The following NCOA7 variants were observed in gnomAD, a reference collection of about 807,000 sequenced individuals.
The protein encoded by NCOA7 is 140 kDa estrogen receptor-associated protein.
NCOA7 carries 45 observed loss-of-function variants against 104.3 expected under a neutral mutation model. That is an observed-to-expected ratio of 0.43 (90% confidence interval 0.34 to 0.55). The LOEUF (loss-of-function observed/expected upper bound fraction) is 0.55. Among genes scored for constraint, NCOA7 ranks in the 20% least tolerant of loss-of-function variants. NCOA7 has a pLI of 0.02. For synonymous variants in NCOA7, 398 were observed against 402.3 expected (o/e 0.99, Z 0.13); for missense variants, 1,041 against 1,119.7 (o/e 0.93, Z 1.00).
At chr6:125,811,058 G>A (rs1359578254) in intron 1 of NCOA7, among the ~76,000 whole-genome samples, 1 of 152,038 alleles carries the variant, frequency 6.6e-6, no homozygotes, top group African/African-American at 2.4e-5. Flanking sequence ...ATTCATGACT[G>A]GAAATTTAAT....
intron 10 of NCOA7, among the ~76,000 whole-genome samples, chr6:125,900,611 C>T (rs139928617): frequency 7.2e-5 from 11 of 152,306 alleles, no homozygotes; most frequent in Admixed American, 5.9e-4. Flanking sequence ...GCTAATTAAA[C>T]ATCCTCATTA....
At chr6:125,848,582 T>C (rs930596079) in intron 2 of NCOA7, among the ~76,000 whole-genome samples, 3 of 151,926 alleles carry the variant, frequency 2.0e-5, no homozygotes, top group Non-Finnish European at 1.5e-5. Context: ...TTCTCACTCA[T>C]AGGTGGGAAT....
At chr6:125,832,316 C>A (rs1262661506) in intron 2 of NCOA7, among the ~76,000 whole-genome samples, 2 of 152,148 alleles carry the variant, frequency 1.3e-5, no homozygotes, top group Admixed American at 6.5e-5. Context: ...GGCTCTCTGC[C>A]ACTTTGACAT....
intron 10 of NCOA7, among the ~76,000 whole-genome samples, chr6:125,908,777 C>T (rs1212999527): frequency 1.3e-5 from 2 of 152,180 alleles, no homozygotes; most frequent in South Asian, 4.1e-4. Context: ...AATCATGTCC[C>T]TGAGCAACTT....
chr6:125,880,558 C>T (rs1309599341), intron 5 of NCOA7, among the ~76,000 whole-genome samples: 2 of 151,724 alleles, frequency 1.3e-5, no homozygotes, highest in Non-Finnish European at 2.9e-5. Context: ...GGTGGAGTCT[C>T]CCTCTGTCAC....
chr6:125,819,820 A>G (rs1778000640), intron 2 of NCOA7, among the ~76,000 whole-genome samples: 1 of 152,044 alleles, frequency 6.6e-6, no homozygotes. Context: ...GCTTGACATT[A>G]TTTGGCTTTT....
intron 1 of NCOA7, among the ~76,000 whole-genome samples, chr6:125,814,446 G>A (rs558515053): frequency 2.6e-5 from 4 of 152,166 alleles, no homozygotes; most frequent in African/African-American, 7.2e-5. Flanking sequence ...GTGAGCCACC[G>A]CACAGCCTGC....
At chr6:125,891,086 C>A (rs1784588734) in intron 10 of NCOA7, among the ~76,000 whole-genome samples, 1 of 152,142 alleles carries the variant, frequency 6.6e-6, no homozygotes, top group Non-Finnish European at 1.5e-5. Flanking sequence ...TTGATGTTCT[C>A]AAGTACCAGT....
At chr6:125,803,339 T>G (rs1776091969) in intron 1 of NCOA7, among the ~76,000 whole-genome samples, 1 of 152,184 alleles carries the variant, frequency 6.6e-6, no homozygotes, top group Admixed American at 6.6e-5. Flanking sequence ...TATGTAAATC[T>G]TATCTCCCTT....
intron 2 of NCOA7, among the ~76,000 whole-genome samples, chr6:125,850,431 G>A (rs1036566965): frequency 6.6e-6 from 1 of 152,026 alleles, no homozygotes; most frequent in Non-Finnish European, 1.5e-5. Flanking sequence ...AACTGTGTTT[G>A]GCTATATGTG....
intron 7 of NCOA7, among the ~76,000 whole-genome samples, chr6:125,883,881 G>A (rs1258787870): frequency 1.3e-5 from 2 of 151,958 alleles, no homozygotes; most frequent in South Asian, 2.1e-4. Context: ...CACCTCATCC[G>A]GCTAATTTTA....
At chr6:125,912,511 T>C (rs1786668532) in intron 10 of NCOA7, among the ~76,000 whole-genome samples, 1 of 152,208 alleles carries the variant, frequency 6.6e-6, no homozygotes, top group Non-Finnish European at 1.5e-5. Context: ...GTCATCACTA[T>C]TGTATGGAGG....
intron 10 of NCOA7, among the ~76,000 whole-genome samples, chr6:125,908,864 G>A (rs1201170113): frequency 3.3e-5 from 5 of 152,234 alleles, no homozygotes; most frequent in Non-Finnish European, 7.3e-5. Context: ...TAATTGACCT[G>A]CACTTTTCAC....
rs868546591 is a variant in NCOA7 at position 125,931,754 on chromosome 6, C to T, written c.*2983C>T. The T allele has an allele frequency of 3.9e-5, 6 of 152,332 alleles. No individual in the cohort carries two copies. The South Asian group carries it at 1.2e-3, about 32-fold the overall frequency. 9.4% of individuals were successfully genotyped at this position (152,332 alleles called of 1,614,324 possible). On this transcript the variant is annotated 3_prime_UTR_variant, in exon 16 of 16. Transcript: ENST00000392477. Reference sequence around the variant, plus strand: ...TGGTTTGGCTGTGTGTCCCCACCAACATCTCATTGGAATTATAATCCCCAC... The same window carrying T: ...TGGTTTGGCTGTGTGTCCCCACCAATATCTCATTGGAATTATAATCCCCAC...
chr6:125,884,170 A>T (rs1220977669), intron 7 of NCOA7, among the ~76,000 whole-genome samples: 1 of 152,242 alleles, frequency 6.6e-6, no homozygotes, highest in African/African-American at 2.4e-5. Context: ...CATCCATGTT[A>T]TTGCAAATGA....
intron 2 of NCOA7, among the ~76,000 whole-genome samples, chr6:125,843,562 C>G (rs1448449838): frequency 6.6e-6 from 1 of 152,162 alleles, no homozygotes. Context: ...TTAAATTTCT[C>G]TTTGCCAAAT....
Position 125,882,074 on chromosome 6 carries a change from G to A in NCOA7, c.574-352G>A, listed in dbSNP as rs765621918. Among the ~76,000 whole-genome samples the A allele has an allele frequency of 1.6e-4, 24 of 152,186 alleles. 2 individuals are homozygous for A. Among genetic ancestry groups the A allele is most frequent in the Admixed American group, 3.9e-4 (6 of 15,280 alleles). The stretch of plus-strand genomic sequence containing the variant: ...TCACCATATTAGTCAGGCAGGTCCC[G>A]AACTCCTGACCTCAGGTGATCTGCC... On this transcript the variant is annotated intron_variant, in intron 6 of 15. Transcript: ENST00000392477.
At chr6:125,902,547 T>C (rs1194727477) in intron 10 of NCOA7, among the ~76,000 whole-genome samples, 1 of 151,862 alleles carries the variant, frequency 6.6e-6, no homozygotes, top group Non-Finnish European at 1.5e-5. Flanking sequence ...CCGTAACTAG[T>C]AGTGAATCTT....
At chr6:125,830,122 T>C (rs1335674846) in intron 2 of NCOA7, among the ~76,000 whole-genome samples, 1 of 152,246 alleles carries the variant, frequency 6.6e-6, no homozygotes, top group Non-Finnish European at 1.5e-5. Flanking sequence ...AGGGAAGTTG[T>C]TTTTAAATTT....
Sources: gnomAD v4.1 joint callset for allele counts (sites outside exome capture counted in the v4.1 genomes callset) on GRCh38, gnomAD v4.1.1 for gene constraint, MANE v1.5 for transcripts, NCBI Gene and HGNC (gene_info 2026-07-23, HGNC 2026-07-21) for gene names.